Variants in EFCAB12 observed in about 807,000 individuals in gnomAD.
EFCAB12 encodes the protein EF-hand calcium-binding domain-containing protein 12.
Under a neutral mutation model 53.6 loss-of-function variants are expected in EFCAB12, and 43 were observed. The observed-to-expected ratio is 0.80, with a 90% CI of 0.63 to 1.03. The LOEUF (loss-of-function observed/expected upper bound fraction) is 1.03. Among genes scored for constraint, EFCAB12 ranks in the 50% least tolerant of loss-of-function variants. EFCAB12 has a pLI of 0.00. For missense variants in EFCAB12, 646 were observed against 730.6 expected (o/e 0.88, Z 1.34); for synonymous variants, 269 against 289.2 (o/e 0.93, Z 0.71).
intron 4 of EFCAB12, chr3:129,412,901 C>T (rs2072064138): frequency 6.6e-6 from 1 of 152,212 alleles, no homozygotes; most frequent in Non-Finnish European, 1.5e-5. Flanking sequence ...AGTAGTTGCT[C>T]AACAAAGATT....
At position 129,410,364 on chromosome 3, in the gene EFCAB12, T is replaced by C. The variant is rs1345236417; in HGVS notation, c.1035+794A>G. Among the ~76,000 whole-genome samples, 3 of 151,796 alleles carry C rather than the reference T, an allele frequency of 2.0e-5. No homozygotes were observed. In the East Asian group the frequency reaches 5.8e-4, roughly 29 times the overall value. On this transcript the variant is annotated intron_variant, in intron 5 of 8. Coordinates refer to ENST00000505956, the MANE Select transcript of EFCAB12 (RefSeq NM_207307.3). The stretch of plus-strand genomic sequence containing the variant: ...CAAGATCTTGCTCTTTCCCCTCGGC[T>C]GGAGTCCAGTGGTGCGATCTTAGCT...
rs375950358 is a variant in EFCAB12 at position 129,418,427 on chromosome 3, G to A, written c.508C>T (p.Arg170Trp). Residue 170 changes from arginine (R) to tryptophan (W), a missense_variant, in exon 3 of 9, where the codon CGG becomes TGG. Coordinates refer to ENST00000505956, the MANE Select transcript of EFCAB12 (RefSeq NM_207307.3). ...TGGGGCACCATCTGGCGGGACAGCC[G>A]GGAGAGCCTGGGGGCTTTCTTCTGG... is the stretch of plus-strand genomic sequence containing the variant. ...TTRKKAPRLS[R>W]LSRQMVPQLQ... 24 of 1,608,834 alleles carry A rather than the reference G, an allele frequency of 1.5e-5. No homozygotes were observed. The highest frequency in any genetic ancestry group is 1.9e-5 in the Non-Finnish European group (22 of 1,177,654).
At chr3:129,424,985 G>C (rs2072253863) in intron 1 of EFCAB12, among the ~76,000 whole-genome samples, 1 of 152,172 alleles carries the variant, frequency 6.6e-6, no homozygotes, top group African/African-American at 2.4e-5. Context: ...TCATGGGGTG[G>C]AGGGGCAGGG....
At chr3:129,418,521 G>A (rs2072150735) in intron 2 of EFCAB12, 73 bp from the exon 3 acceptor site, 1 of 1,369,750 alleles carries the variant, frequency 7.3e-7, no homozygotes, top group Admixed American at 2.4e-5. Context: ...AGTCCCCAGA[G>A]TTAGGGACTA....
chr3:129,402,597 G>C lies in EFCAB12; in HGVS notation c.1404-18C>G, dbSNP rs1351923853. The C allele has an allele frequency of 1.2e-6, 2 of 1,609,698 alleles. No homozygotes were observed. Among genetic ancestry groups the C allele is most frequent in the Non-Finnish European group, 1.7e-6 (2 of 1,177,396 alleles). On this transcript the variant is annotated intron_variant, in intron 7 of 8. Transcript: ENST00000505956. Reference sequence around the variant, plus strand: ...GCGTTTTCCTAGTGGAGAAGAGAGAGGCATTTTGTGAGGAGAGTGGAAATC... The same window carrying C: ...GCGTTTTCCTAGTGGAGAAGAGAGACGCATTTTGTGAGGAGAGTGGAAATC...
chr3:129,421,576 T>C lies in EFCAB12; in HGVS notation c.277A>G (p.Arg93Gly). The change falls in exon 2 of 9, where the codon AGA (arginine) becomes GGA (glycine). Residue 93 changes from arginine to glycine, a missense_variant. Arg to Gly is a moderately radical substitution (Grantham distance 125). Coordinates refer to ENST00000505956, the MANE Select transcript of EFCAB12 (RefSeq NM_207307.3). ...TCCTCTGGCTGCTCTTGGATATCTC[T>C]AGCTTCCAGAACTTTGAAGCTGGGG... ...PIPSFKVLEA[R>G]DIQEQPEDRK... is the part of the protein sequence containing the mutation. The C allele has an allele frequency of 6.2e-7, 1 of 1,613,918 alleles. No homozygotes were observed. Among genetic ancestry groups the C allele is most frequent in the South Asian group, 1.1e-5 (1 of 91,086 alleles).
intron 7 of EFCAB12, 150 bp downstream of exon 7, chr3:129,404,100 A>C: frequency 9.8e-7 from 1 of 1,025,418 alleles, no homozygotes; most frequent in Non-Finnish European, 1.4e-6. Context: ...GCCAGTCTGC[A>C]GTGAGCAGTC....
chr3:129,406,837 G>A (rs114687829), intron 6 of EFCAB12, among the ~76,000 whole-genome samples: 1 of 150,782 alleles, frequency 6.6e-6, no homozygotes, highest in Non-Finnish European at 1.5e-5. Context: ...GATAAAAAAG[G>A]TTGTGACTTC....
At position 129,408,801 on chromosome 3, in the gene EFCAB12, G is replaced by A. The variant is rs1263599299; in HGVS notation, c.1093C>T (p.Arg365Trp). ...GGGAGGCAGTGCTCATCAAAGTGCC[G>A]ATTCCCACAGCGCACCAGGTGACAT... ...EQCHLVRCGN[R>W]HFDEHCLPST... Residue 365 changes from arginine (R) to tryptophan (W), a missense_variant, in exon 6 of 9, where the codon CGG becomes TGG. Arg to Trp is a moderately radical substitution (Grantham distance 101, BLOSUM62 -3). Coordinates refer to ENST00000505956, the MANE Select transcript of EFCAB12 (RefSeq NM_207307.3). The A allele has an allele frequency of 2.5e-6, 4 of 1,577,686 alleles. No homozygotes were observed. Among genetic ancestry groups the A allele is most frequent in the South Asian group, 1.2e-5 (1 of 85,760 alleles).
intron 7 of EFCAB12, 31 bp from the exon 8 acceptor site, chr3:129,402,610 G>A: frequency 1.2e-6 from 2 of 1,605,078 alleles, no homozygotes; most frequent in South Asian, 2.2e-5. Flanking sequence ...ATTTTGTGAG[G>A]AGAGTGGAAA....
intron 6 of EFCAB12, among the ~76,000 whole-genome samples, chr3:129,408,214 C>T (rs986296660): frequency 4.6e-5 from 7 of 152,234 alleles, no homozygotes; most frequent in African/African-American, 1.7e-4. Context: ...AACCAGGCAA[C>T]AGCCTGGCCT....
At chr3:129,419,120 G>A (rs2072157801) in intron 2 of EFCAB12, among the ~76,000 whole-genome samples, 1 of 152,162 alleles carries the variant, frequency 6.6e-6, no homozygotes, top group African/African-American at 2.4e-5. Flanking sequence ...TGAACACCTT[G>A]TGCTATGGCT....
Position 129,408,718 on chromosome 3 carries a change from A to T in EFCAB12, c.1176T>A (p.Phe392Leu), listed in dbSNP as rs556582674. The T allele has an allele frequency of 6.3e-7, 1 of 1,588,002 alleles. No homozygotes were observed. The highest frequency in any genetic ancestry group is 2.3e-5 in the East Asian group (1 of 43,848). Residue 392 changes from phenylalanine to leucine, a missense_variant, in exon 6 of 9, where the codon TTT (phenylalanine) becomes TTA (leucine). Transcript: ENST00000505956. The stretch of plus-strand genomic sequence containing the variant: ...GCTTCCAGCATTGCAGGTAGACCAG[A>T]AAGTTGTGCCTGCGGGCCGAGTCAA... ...ELIDSARRHN[F>L]LVYLQCWKLC...
Position 129,418,137 on chromosome 3 carries a change from C to T in EFCAB12, c.681+117G>A. On this transcript the variant is annotated intron_variant, in intron 3 of 8. Coordinates refer to ENST00000505956, the MANE Select transcript of EFCAB12 (RefSeq NM_207307.3). ...GGCTGACAGTTTGCACTCCTTGTGT[C>T]TACTTCTCAGTTGAACCAGAACCCA... 4.2e-6 allele frequency: 4 copies of T among 960,714 alleles called. No individual in the cohort carries two copies. In the South Asian group the frequency reaches 7.7e-5, roughly 18 times the overall value. 59.5% of individuals were successfully genotyped at this position (960,714 alleles called of 1,614,324 possible). A position where few individuals can be genotyped will look rare whatever the true frequency, so the allele number is the denominator to read the frequency against.
At chr3:129,424,975 T>C (rs1457356180) in intron 1 of EFCAB12, among the ~76,000 whole-genome samples, 2 of 152,148 alleles carry the variant, frequency 1.3e-5, no homozygotes, top group Non-Finnish European at 2.9e-5. Context: ...TGGTCTGGCT[T>C]CATGGGGTGG....
chr3:129,402,720 G>C, intron 7 of EFCAB12, 141 bp from the exon 8 acceptor site: 10 of 772,138 alleles, frequency 1.3e-5, no homozygotes, highest in Non-Finnish European at 1.9e-5. Flanking sequence ...TCTTCCACCT[G>C]GGGTGGACCC....
intron 4 of EFCAB12, chr3:129,411,570 A>C: frequency 2.3e-6 from 1 of 431,504 alleles, no homozygotes; most frequent in Non-Finnish European, 4.1e-6. Context: ...TACTGCACCA[A>C]CCCCAGCCCT....
chr3:129,402,415 C>T, intron 8 of EFCAB12, 108 bp downstream of exon 8: 11 of 1,252,808 alleles, frequency 8.8e-6, no homozygotes, highest in Non-Finnish European at 1.3e-5. Flanking sequence ...CAGGCCAGGG[C>T]ACCGAGCCCC....
chr3:129,424,653 C>T (rs569622278), intron 1 of EFCAB12, among the ~76,000 whole-genome samples: 22 of 152,300 alleles, frequency 1.4e-4, no homozygotes, highest in African/African-American at 4.1e-4. Flanking sequence ...GGGATGGAAG[C>T]GAACACTTCT....
Sources: gnomAD v4.1 joint callset for allele counts (sites outside exome capture counted in the v4.1 genomes callset) on GRCh38, gnomAD v4.1.1 for gene constraint, MANE v1.5 for transcripts, NCBI Gene and HGNC (gene_info 2026-07-23, HGNC 2026-07-21) for gene names.